SYT16: variants seen among roughly 807,000 people sequenced by gnomAD.
SYT16 encodes the protein synaptotagmin-16.
A neutral mutation model predicts 61.4 loss-of-function variants in SYT16; 42 were observed. The observed-to-expected ratio is 0.68, with a 90% CI of 0.53 to 0.89. SYT16 has a LOEUF of 0.89. Among genes scored for constraint, SYT16 ranks in the 40% least tolerant of loss-of-function variants. The pLI, the probability that SYT16 is intolerant of heterozygous loss-of-function variation, is 0.00. For synonymous variants in SYT16, 314 were observed against 302.3 expected (o/e 1.04, Z -0.40); for missense variants, 804 against 807.3 (o/e 1.00, Z 0.05).
intron 1 of SYT16, among the ~76,000 whole-genome samples, chr14:61,966,214 C>G (rs1465560226): frequency 6.6e-6 from 1 of 151,992 alleles, no homozygotes; most frequent in Non-Finnish European, 1.5e-5. Context: ...TACACTTTTT[C>G]TTGTGTCTTT....
At chr14:62,036,407 A>G (rs2054509608) in intron 3 of SYT16, among the ~76,000 whole-genome samples, 1 of 152,054 alleles carries the variant, frequency 6.6e-6, no homozygotes, top group Admixed American at 6.6e-5. Context: ...AGAGTTCAGG[A>G]GAGAGAGGGA....
chr14:62,013,256 C>T (rs975968510), intron 3 of SYT16, among the ~76,000 whole-genome samples: 2 of 152,128 alleles, frequency 1.3e-5, no homozygotes, highest in African/African-American at 4.8e-5. Flanking sequence ...GCTGGGTTTT[C>T]AAGCCACATG....
At chr14:61,892,331 C>T (rs562373132) in intron 1 of SYT16, among the ~76,000 whole-genome samples, 83 of 152,258 alleles carry the variant, frequency 5.5e-4, no homozygotes, top group Non-Finnish European at 1.1e-3. Flanking sequence ...CTCGCCCCGT[C>T]TGCCTCCTCT....
chr14:61,835,250 A>ATTTTTT (rs11378872), intron 1 of SYT16, among the ~76,000 whole-genome samples: 9 of 110,806 alleles, frequency 8.1e-5, no homozygotes, highest in African/African-American at 1.1e-4. Context: ...TGAAAGGTGA[A>ATTTTTT]TTTTTTTTTT....
chr14:62,027,290 A>G (rs556882898), intron 3 of SYT16, among the ~76,000 whole-genome samples: 1 of 152,300 alleles, frequency 6.6e-6, no homozygotes, highest in East Asian at 1.9e-4. Flanking sequence ...CATGCTTTCC[A>G]AAATGAATGT....
chr14:62,095,115 C>T (rs973391175), intron 7 of SYT16, among the ~76,000 whole-genome samples: 13 of 151,936 alleles, frequency 8.6e-5, no homozygotes, highest in African/African-American at 2.4e-4. Context: ...TGGTGGATAT[C>T]GTAGTAAATA....
At chr14:61,859,668 C>A (rs1321367872) in intron 1 of SYT16, among the ~76,000 whole-genome samples, 2 of 151,944 alleles carry the variant, frequency 1.3e-5, no homozygotes, top group Admixed American at 1.3e-4. Context: ...GATATATACC[C>A]CAGACAATGT....
chr14:61,901,741 TATAATA>T (rs369412092), intron 1 of SYT16, among the ~76,000 whole-genome samples: 43 of 147,568 alleles, frequency 2.9e-4, no homozygotes, highest in African/African-American at 2.5e-4. Context: ...TTCATCTGCT[TATAATA>T]ATAATAATAA....
rs75154468 is a variant in SYT16, at chr14:61,825,512, C to G, written c.-325+12702C>G. ...CCTGGGCCACATAGCAAGACCTCGT[C>G]TCTACAAAAAGAATACAAAAATTAG... is the stretch of plus-strand genomic sequence containing the variant. On this transcript the variant is annotated intron_variant, in intron 1 of 7. Coordinates refer to ENST00000683842, the MANE Select transcript of SYT16 (RefSeq NM_001367656.1). 5.7e-3 allele frequency among the ~76,000 whole-genome samples: 864 copies of G among 152,260 alleles called. 5 individuals are homozygous for G. The highest frequency in any genetic ancestry group is 0.02 in the African/African-American group (824 of 41,556).
At chr14:61,977,280 T>C (rs2140548573) in intron 2 of SYT16, among the ~76,000 whole-genome samples, 2 of 152,342 alleles carry the variant, frequency 1.3e-5, no homozygotes, top group Admixed American at 1.3e-4. Context: ...AGTATCTTTA[T>C]AGCAGTACCC....
At chr14:61,861,813 G>C (rs1359266866) in intron 1 of SYT16, among the ~76,000 whole-genome samples, 1 of 152,028 alleles carries the variant, frequency 6.6e-6, no homozygotes, top group Admixed American at 6.5e-5. Flanking sequence ...CAAATGTTTT[G>C]GTTTCCTAGT....
chr14:62,046,512 A>T (rs1198676176), intron 3 of SYT16, among the ~76,000 whole-genome samples: 1 of 152,054 alleles, frequency 6.6e-6, no homozygotes, highest in Non-Finnish European at 1.5e-5. Flanking sequence ...GGTGTTTTAG[A>T]CATGAAGTCC....
At chr14:62,084,147 G>A (rs748117456) in intron 6 of SYT16, 49 bp from the exon 7 acceptor site, 1 of 1,574,074 alleles carries the variant, frequency 6.4e-7, no homozygotes, top group Admixed American at 2.0e-5. Flanking sequence ...CTCTAAAAGA[G>A]AGTAGTGCAG....
At chr14:62,046,075 A>C (rs1264586567) in intron 3 of SYT16, among the ~76,000 whole-genome samples, 5 of 152,306 alleles carry the variant, frequency 3.3e-5, no homozygotes, top group South Asian at 2.1e-4. Flanking sequence ...CCAACAGTGT[A>C]AAAGTGTTCC....
intron 1 of SYT16, among the ~76,000 whole-genome samples, chr14:61,861,845 A>G (rs1204014467): frequency 1.3e-5 from 2 of 152,236 alleles, no homozygotes; most frequent in Non-Finnish European, 2.9e-5. Flanking sequence ...TTACGTTTAC[A>G]CCATGCTATA....
At chr14:61,938,670 A>G (rs573935429) in intron 1 of SYT16, among the ~76,000 whole-genome samples, 1 of 152,312 alleles carries the variant, frequency 6.6e-6, no homozygotes, top group South Asian at 2.1e-4. Context: ...TTTGGGCTTT[A>G]TATTGTAGCT....
chr14:61,858,798 G>A (rs536525993), intron 1 of SYT16, among the ~76,000 whole-genome samples: 3 of 152,088 alleles, frequency 2.0e-5, no homozygotes, highest in Middle Eastern at 3.4e-3. Context: ...GGGAGTCCTC[G>A]GTAAGGCTTT....
intron 1 of SYT16, among the ~76,000 whole-genome samples, chr14:61,845,039 C>CTTTTTTTT (rs35131511): frequency 1.0e-5 from 1 of 97,614 alleles, no homozygotes; most frequent in African/African-American, 4.8e-5. Flanking sequence ...TACTAGAAGA[C>CTTTTTTTT]TTTTTTTTTT....
chr14:61,882,074 C>G (rs1241485530), intron 1 of SYT16, among the ~76,000 whole-genome samples: 2 of 152,256 alleles, frequency 1.3e-5, no homozygotes, highest in East Asian at 3.9e-4. Flanking sequence ...CTGTTCTGAA[C>G]TCAGGTATTA....
Sources: gnomAD v4.1 joint callset for allele counts (sites outside exome capture counted in the v4.1 genomes callset) on GRCh38, gnomAD v4.1.1 for gene constraint, MANE v1.5 for transcripts, NCBI Gene and HGNC (gene_info 2026-07-23, HGNC 2026-07-21) for gene names.